PAPOLG: variants seen among roughly 807,000 people sequenced by gnomAD.
PAPOLG encodes the protein PAP-gamma.
A neutral mutation model predicts 99.0 loss-of-function variants in PAPOLG; 40 were observed. The observed-to-expected ratio is 0.40, with a 90% CI of 0.31 to 0.53. The LOEUF (loss-of-function observed/expected upper bound fraction) is 0.53, where lower values mean the gene tolerates loss of function less well. PAPOLG is among the 20% of genes least tolerant of loss of function. PAPOLG has a pLI of 0.41. For synonymous variants in PAPOLG, 310 were observed against 299.3 expected (o/e 1.04, Z -0.37); for missense variants, 675 against 884.1 (o/e 0.76, Z 3.00).
Position 60,793,063 on chromosome 2 carries a change from G to A in PAPOLG, c.1680-564G>A, listed in dbSNP as rs371685021. On this transcript the variant is annotated intron_variant, in intron 17 of 21. Transcript: ENST00000238714. ...AAAAAACAAAAACAAAAATTAGCTCGGCATGGTAGTGCACACCTGTAGTCC... is the reference window on the plus strand; with the variant it reads ...AAAAAACAAAAACAAAAATTAGCTCAGCATGGTAGTGCACACCTGTAGTCC... 1.9e-3 allele frequency among the ~76,000 whole-genome samples: 292 copies of A among 151,994 alleles called. 10 individuals are homozygous for A. The South Asian group carries it at 0.055, about 29-fold the overall frequency.
intron 1 of PAPOLG, among the ~76,000 whole-genome samples, chr2:60,758,615 G>A (rs1240276808): frequency 6.6e-6 from 1 of 151,988 alleles, no homozygotes; most frequent in Admixed American, 6.6e-5. Context: ...TTTCAGTAGA[G>A]ACGGGGTTTC....
At chr2:60,789,492 CTT>C (rs1317723090) in intron 15 of PAPOLG, among the ~76,000 whole-genome samples, 2 of 152,056 alleles carry the variant, frequency 1.3e-5, no homozygotes, top group East Asian at 3.8e-4. Context: ...ACCTTGGCCT[CTT>C]TAAAGTGCTG....
rs1238745639 is a variant in PAPOLG at position 60,787,073 on chromosome 2, T to G, written c.1286+7T>G. ...ATAAGGAACATCATAAAGAGTAAGT[T>G]AATTGTTTTATAATACTTTATTTCT... On this transcript the variant is annotated splice_region_variant and intron_variant, in intron 14 of 21. Coordinates refer to ENST00000238714, the MANE Select transcript of PAPOLG (RefSeq NM_022894.4). 3 of 1,578,080 alleles carry G rather than the reference T, an allele frequency of 1.9e-6. No individual in the cohort carries two copies. The highest frequency in any genetic ancestry group is 2.6e-6 in the Non-Finnish European group (3 of 1,159,870).
At position 60,800,718 on chromosome 2, in the gene PAPOLG, G is replaced by A. The variant is rs574252942; in HGVS notation, c.*3558G>A. ...AATCCTTTATAATTGTGTATAAGAA[G>A]TTCTAGTTTACATGCATTTTTCTTG... is the stretch of plus-strand genomic sequence containing the variant. On this transcript the variant is annotated 3_prime_UTR_variant, in exon 22 of 22. Transcript: ENST00000238714. The A allele has an allele frequency of 4.6e-4, 70 of 152,250 alleles. No homozygotes were observed. Among genetic ancestry groups the A allele is most frequent in the Non-Finnish European group, 9.0e-4 (61 of 68,034 alleles). The allele number at this position is 152,250 out of a possible 1,614,324, so 9.4% of individuals were successfully genotyped here.
chr2:60,782,650 C>CTT, intron 11 of PAPOLG, 36 bp from the exon 12 acceptor site: 1 of 1,236,802 alleles, frequency 8.1e-7, no homozygotes, highest in Non-Finnish European at 1.0e-6. Context: ...AATCATTCTT[C>CTT]TTCTTTTTTT....
In PAPOLG at chr2:60,782,678, T is replaced by TTTTTTTA. The variant is rs67779326; in HGVS notation, c.1028-8_1028-7insTTTTTTA. The TTTTTTTA allele has an allele frequency of 1.4e-5, 20 of 1,386,276 alleles. No individual in the cohort carries two copies. Among genetic ancestry groups the TTTTTTTA allele is most frequent in the South Asian group, 7.3e-5 (5 of 68,286 alleles). The allele number at this position is 1,386,276 out of a possible 1,614,324, so 85.9% of individuals were successfully genotyped here. A position where few individuals can be genotyped will look rare whatever the true frequency, so the allele number is the denominator to read the frequency against. The stretch of plus-strand genomic sequence containing the variant: ...CTTTTTTTTTTTTTTTTTTTTTTTT[T>TTTTTTTA]AATTTAGGTCTTGCAGTCACAGATG... On this transcript the variant is annotated splice_polypyrimidine_tract_variant and splice_region_variant and intron_variant, in intron 11 of 21. Coordinates refer to ENST00000238714, the MANE Select transcript of PAPOLG (RefSeq NM_022894.4).
At chr2:60,792,685 A>C (rs1029052160) in intron 17 of PAPOLG, among the ~76,000 whole-genome samples, 1 of 152,188 alleles carries the variant, frequency 6.6e-6, no homozygotes, top group African/African-American at 2.4e-5. Context: ...GCTGGAGCCC[A>C]GGAGTTCCAA....
chr2:60,788,127 A>G (rs1430207735), intron 15 of PAPOLG, among the ~76,000 whole-genome samples: 3 of 152,112 alleles, frequency 2.0e-5, no homozygotes, highest in Non-Finnish European at 4.4e-5. Context: ...CACTGTGTAC[A>G]CTGTGCTATT....
intron 10 of PAPOLG, among the ~76,000 whole-genome samples, chr2:60,781,570 A>C (rs939470457): frequency 6.6e-6 from 1 of 152,226 alleles, no homozygotes. Flanking sequence ...ATTGAGAACC[A>C]TTAAACCAGA....
At position 60,801,466 on chromosome 2, in the gene PAPOLG, T is replaced by TG. The variant is rs1173607406; in HGVS notation, c.*4308dup. ...TTTTTTCTTTTCTTTTTTTTTAAGATGGAGTCTCGCTCCGTCACCCAGGCT... is the reference window on the plus strand; with the variant it reads ...TTTTTTCTTTTCTTTTTTTTTAAGATGGGAGTCTCGCTCCGTCACCCAGGCT... On this transcript the variant is annotated 3_prime_UTR_variant, in exon 22 of 22. Coordinates refer to ENST00000238714, the MANE Select transcript of PAPOLG (RefSeq NM_022894.4). 12 of 152,008 alleles carry TG rather than the reference T, an allele frequency of 7.9e-5. No homozygotes were observed. Among genetic ancestry groups the TG allele is most frequent in the Admixed American group, 7.9e-4 (12 of 15,250 alleles). The allele number at this position is 152,008 out of a possible 1,614,324, so 9.4% of individuals were successfully genotyped here.
In PAPOLG at chr2:60,782,773, A is replaced by G; in HGVS notation, c.1112+3A>G. 1 of 1,553,062 alleles carries G rather than the reference A, an allele frequency of 6.4e-7. No individual in the cohort carries two copies. The highest frequency in any genetic ancestry group is 8.6e-7 in the Non-Finnish European group (1 of 1,159,058). On this transcript the variant is annotated splice_donor_region_variant and intron_variant, in intron 12 of 21. Coordinates refer to ENST00000238714, the MANE Select transcript of PAPOLG (RefSeq NM_022894.4). ...CCGAATTTCTTTCAAAAGTATAGGT[A>G]CGTGAAATTTTGTATTTTGTATGTA...
In PAPOLG at chr2:60,792,132, A is replaced by G. The variant is rs748245285; in HGVS notation, c.1522A>G (p.Ser508Gly). 6.4e-7 allele frequency: 1 copy of G among 1,574,202 alleles called. No individual in the cohort carries two copies. The highest frequency in any genetic ancestry group is 8.6e-7 in the Non-Finnish European group (1 of 1,166,644). The change falls in exon 17 of 22, where the codon AGT (serine) becomes GGT (glycine). Residue 508 changes from serine (S) to glycine (G), a missense_variant. Transcript: ENST00000238714. The part of the protein sequence containing the change: ...AEILQKKKKQ[S>G]LSDVNRSSGG... ...TAAAATCGTTCCCTTCTTTCAGCAA[A>G]GTCTCTCTGATGTCAATCGAAGCTC...
At chr2:60,767,766 T>C (rs560326348) in intron 3 of PAPOLG, among the ~76,000 whole-genome samples, 15 of 152,258 alleles carry the variant, frequency 9.9e-5, no homozygotes, top group African/African-American at 3.1e-4. Context: ...GGATATGGGA[T>C]TGGCCAAGAG....
chr2:60,768,663 T>C, intron 4 of PAPOLG, 112 bp downstream of exon 4: 1 of 1,326,996 alleles, frequency 7.5e-7, no homozygotes, highest in Non-Finnish European at 1.0e-6. Flanking sequence ...AGCTAATCAT[T>C]GTTAACATTT....
chr2:60,788,580 A>G (rs954281129), intron 15 of PAPOLG, among the ~76,000 whole-genome samples: 2 of 152,070 alleles, frequency 1.3e-5, no homozygotes, highest in African/African-American at 2.4e-5. Context: ...CGGCCTCCCA[A>G]AAGTTCTGGG....
At chr2:60,786,451 G>A (rs1242612928) in intron 13 of PAPOLG, among the ~76,000 whole-genome samples, 2 of 152,016 alleles carry the variant, frequency 1.3e-5, no homozygotes, top group Admixed American at 6.6e-5. Context: ...GGCTGGTCTC[G>A]AACTCCTGAC....
At chr2:60,790,970 T>A (rs1169876161) in intron 15 of PAPOLG, among the ~76,000 whole-genome samples, 1 of 151,944 alleles carries the variant, frequency 6.6e-6, no homozygotes, top group Non-Finnish European at 1.5e-5. Context: ...GCGCTTCTAG[T>A]CCCAGCTACT....
intron 11 of PAPOLG, 56 bp from the exon 12 acceptor site, chr2:60,782,630 C>A: frequency 1.5e-6 from 2 of 1,361,612 alleles, no homozygotes; most frequent in East Asian, 3.4e-5. Context: ...AAGAGCTGGT[C>A]CCTTTTCAAA....
At chr2:60,761,853 G>T (rs1402650951) in intron 3 of PAPOLG, 46 bp downstream of exon 3, 1 of 1,372,798 alleles carries the variant, frequency 7.3e-7, no homozygotes, top group Non-Finnish European at 1.0e-6. Flanking sequence ...TTATATCTTG[G>T]CCATTCATCC....
Sources: gnomAD v4.1 joint callset for allele counts (sites outside exome capture counted in the v4.1 genomes callset) on GRCh38, gnomAD v4.1.1 for gene constraint, MANE v1.5 for transcripts, NCBI Gene and HGNC (gene_info 2026-07-23, HGNC 2026-07-21) for gene names.